The following DSCAML1 variants were observed in gnomAD, a reference collection of about 807,000 sequenced individuals.
DSCAML1 encodes the protein DS cell adhesion molecule like 1, also known as cell adhesion molecule DSCAML1.
Under a neutral mutation model 200.5 loss-of-function variants are expected in DSCAML1, and 38 were observed. That is an observed-to-expected ratio of 0.19 (90% CI 0.15 to 0.25). DSCAML1 has a LOEUF of 0.25. Ranked by LOEUF, DSCAML1 falls within the 10% of genes least tolerant of loss-of-function variation. The probability of loss-of-function intolerance (pLI) is 1.00; values close to 1 mark genes in which losing one functional copy is unlikely to be tolerated. For synonymous variants in DSCAML1, 1,215 were observed against 1,165.0 expected, an observed-to-expected ratio of 1.04 and a Z score of -0.87; for missense variants, 2,223 against 2,858.8, an observed-to-expected ratio of 0.78 and a Z score of 5.07.
Position 117,507,060 on chromosome 11 carries a change from T to C in DSCAML1, c.1784-1328A>G, listed in dbSNP as rs556276734. ...ATGGCCTGTCTGGAGCCTGAGTCGA[T>C]GTGAGATGGATCCTCCTTTCTCGGC... On this transcript the variant is annotated intron_variant, in intron 8 of 32. Transcript: ENST00000651296. 2.5e-3 allele frequency among the ~76,000 whole-genome samples: 380 copies of C among 151,622 alleles called. 4 individuals carry two copies. The highest frequency in any genetic ancestry group is 8.8e-3 in the African/African-American group (366 of 41,508).
chr11:117,518,847 G>A lies in DSCAML1; in HGVS notation c.1214-85C>T. ...GCCACCCCACCTCAGCAGGGGAGGAGGCAAAAAGCAGCCATAAGAGCAAAC... is the reference window on the plus strand; with the variant it reads ...GCCACCCCACCTCAGCAGGGGAGGAAGCAAAAAGCAGCCATAAGAGCAAAC... On this transcript the variant is annotated intron_variant, in intron 6 of 32. Coordinates refer to ENST00000651296, the MANE Select transcript of DSCAML1 (RefSeq NM_020693.4). The surrounding 1 kb of genome is among the most constrained non-coding windows in gnomAD (Gnocchi z 6.3). The A allele has an allele frequency of 6.9e-7, 1 of 1,441,904 alleles. No individual in the cohort carries two copies. Among genetic ancestry groups the A allele is most frequent in the Non-Finnish European group, 9.2e-7 (1 of 1,089,406 alleles). The allele number at this position is 1,441,904 out of a possible 1,614,324, so 89.3% of individuals were successfully genotyped here. A position where few individuals can be genotyped will look rare whatever the true frequency, so the allele number is the denominator to read the frequency against.
intron 1 of DSCAML1, among the ~76,000 whole-genome samples, chr11:117,784,273 A>G (rs1452691652): frequency 6.6e-6 from 1 of 152,140 alleles, no homozygotes; most frequent in East Asian, 1.9e-4. Context: ...AAACAATAGC[A>G]TTTTGCACTT....
chr11:117,797,622 G>A (rs1349864819), upstream of DSCAML1, among the ~76,000 whole-genome samples: 6 of 132,438 alleles, frequency 4.5e-5, no homozygotes, highest in Middle Eastern at 3.8e-3. Context: ...GAGCATGGAC[G>A]CTCTGGGTAG....
Position 117,504,104 on chromosome 11 carries a change from G to C in DSCAML1, c.2183-83C>G. The C allele has an allele frequency of 1.3e-6, 2 of 1,491,258 alleles. No individual in the cohort carries two copies. Among genetic ancestry groups the C allele is most frequent in the South Asian group, 1.3e-5 (1 of 79,528 alleles). The allele number at this position is 1,491,258 out of a possible 1,614,324, so 92.4% of individuals were successfully genotyped here. A position where few individuals can be genotyped will look rare whatever the true frequency, so the allele number is the denominator to read the frequency against. On this transcript the variant is annotated intron_variant, in intron 10 of 32. Transcript: ENST00000651296. This position sits in a 1 kb window ranked among gnomAD's most constrained non-coding sequence, Gnocchi z 5.0. ...GCCCCAGGAGTGGCCCTGACACCTC[G>C]CTCTTGCAGATCTAGGGCCATTTTG...
rs773275996 is a variant in DSCAML1 at position 117,428,533 on chromosome 11, G to A, written c.5957C>T (p.Pro1986Leu). The A allele has an allele frequency of 6.0e-6, 9 of 1,492,970 alleles. No homozygotes were observed. In the East Asian group the frequency reaches 1.2e-4, roughly 20 times the overall value. 92.5% of individuals were successfully genotyped at this position (1,492,970 alleles called of 1,614,324 possible). A position where few individuals can be genotyped will look rare whatever the true frequency, so the allele number is the denominator to read the frequency against. ...MPAPPAGTAP[P>L]APGPTPAEPP... is the part of the protein sequence containing the mutation. Reference sequence around the variant, plus strand: ...CTCAGCAGGGGTGGGGCCGGGGGCTGGGGGGGCTGTGCCGGCTGGGGGGGC... The same window carrying A: ...CTCAGCAGGGGTGGGGCCGGGGGCTAGGGGGGCTGTGCCGGCTGGGGGGGC... Residue 1986 changes from proline (P) to leucine (L), a missense_variant, in exon 33 of 33, where the codon CCA (proline) becomes CTA (leucine). Transcript: ENST00000651296.
intron 3 of DSCAML1, among the ~76,000 whole-genome samples, chr11:117,722,245 T>G (rs370528620): frequency 1.3e-5 from 2 of 151,974 alleles, no homozygotes; most frequent in African/African-American, 4.8e-5. Context: ...AGCTGAAATG[T>G]ATTTCTCTAA....
At chr11:117,550,575 G>C (rs1351757633) in intron 3 of DSCAML1, among the ~76,000 whole-genome samples, 1 of 152,172 alleles carries the variant, frequency 6.6e-6, no homozygotes, top group South Asian at 2.1e-4. Context: ...ATACAGTAAA[G>C]GTATAATAGA....
At chr11:117,808,948 C>T (rs972729849) in intron 1 of DSCAML1, among the ~76,000 whole-genome samples, 7 of 152,146 alleles carry the variant, frequency 4.6e-5, no homozygotes, top group South Asian at 2.1e-4. Context: ...ACTGAGGCTC[C>T]GAGACACTAA....
intron 3 of DSCAML1, among the ~76,000 whole-genome samples, chr11:117,664,041 C>T (rs376617482): frequency 6.6e-5 from 10 of 152,326 alleles, no homozygotes; most frequent in African/African-American, 2.2e-4. Context: ...CAGAAAATGC[C>T]GTGGCTCCCA....
rs926229398 is a variant in DSCAML1 at position 117,671,301 on chromosome 11, C to T, written c.511+105490G>A. 8.5e-5 allele frequency among the ~76,000 whole-genome samples: 13 copies of T among 152,328 alleles called. No homozygotes were observed. The South Asian group carries it at 2.7e-3, about 32-fold the overall frequency. ...TAGAGCAGCTTCCAGAGGCCACACTCAGGTGAAATAACTTATTCTGGTACC... is the reference window on the plus strand; with the variant it reads ...TAGAGCAGCTTCCAGAGGCCACACTTAGGTGAAATAACTTATTCTGGTACC... On this transcript the variant is annotated intron_variant, in intron 3 of 32. Transcript: ENST00000651296.
rs748512341 is a variant in DSCAML1 at position 117,480,512 on chromosome 11, G to A, written c.2716C>T (p.Arg906Cys). 8.1e-6 allele frequency: 13 copies of A among 1,603,426 alleles called. No homozygotes were observed. Among genetic ancestry groups the A allele is most frequent in the Non-Finnish European group, 1.0e-5 (12 of 1,174,842 alleles). The change falls in exon 14 of 33, where the codon CGC (arginine) becomes TGC (cysteine). Residue 906 changes from arginine to cysteine, a missense_variant. Arg to Cys is a radical substitution (Grantham distance 180). Transcript: ENST00000651296. The surrounding 1 kb of genome is among the most constrained non-coding windows in gnomAD (Gnocchi z 4.1). ...TTCCCGTCGAATCGCTGGGTCCAGC[G>A]CAGGTTCATGCTCCGGGCCTTCACC... ...REVKARSMNL[R>C]WTQRFDGNSI...
At chr11:117,551,122 G>A (rs2050460274) in intron 3 of DSCAML1, among the ~76,000 whole-genome samples, 1 of 152,182 alleles carries the variant, frequency 6.6e-6, no homozygotes, top group Non-Finnish European at 1.5e-5. Flanking sequence ...TTGGGTTGAA[G>A]GGCCATAAAG....
intron 3 of DSCAML1, among the ~76,000 whole-genome samples, chr11:117,704,142 A>AGGGAAGGAGGAAGGGC: frequency 1.8e-5 from 2 of 111,478 alleles, no homozygotes. Context: ...GGAGGGAGGG[A>AGGGAAGGAGGAAGGGC]GGGAAGGAGG....
chr11:117,740,967 A>G (rs1421430981), intron 3 of DSCAML1, among the ~76,000 whole-genome samples: 3 of 152,268 alleles, frequency 2.0e-5, no homozygotes, highest in African/African-American at 7.2e-5. Flanking sequence ...TGCAGATGTC[A>G]GGCAAGCTGG....
rs2048903748 is a variant in DSCAML1, at chr11:117,480,953, C to T, written c.2656+221G>A. Among the ~76,000 whole-genome samples, 1 of 152,214 alleles carries T rather than the reference C, an allele frequency of 6.6e-6. No homozygotes were observed. Among genetic ancestry groups the T allele is most frequent in the East Asian group, 1.9e-4 (1 of 5,188 alleles). On this transcript the variant is annotated intron_variant, in intron 13 of 32. Transcript: ENST00000651296. The surrounding 1 kb of genome is among the most constrained non-coding windows in gnomAD (Gnocchi z 4.1). ...GAAGGGTCAGTGGAATCTATAGCGG[C>T]TGTAGCCATTGCAAACTTTTGCTGT...
chr11:117,494,949 T>C (rs751463667), intron 11 of DSCAML1, among the ~76,000 whole-genome samples: 3 of 152,192 alleles, frequency 2.0e-5, no homozygotes, highest in Non-Finnish European at 4.4e-5. Flanking sequence ...AATACCTTGA[T>C]GTCAGACTCC....
intron 1 of DSCAML1, among the ~76,000 whole-genome samples, chr11:117,812,462 A>G (rs2055769142): frequency 6.6e-6 from 1 of 151,968 alleles, no homozygotes; most frequent in East Asian, 1.9e-4. Context: ...CCAAACCCAT[A>G]TACTCTCCTA....
intron 3 of DSCAML1, among the ~76,000 whole-genome samples, chr11:117,590,237 G>A (rs1217358979): frequency 6.6e-6 from 1 of 152,008 alleles, no homozygotes; most frequent in East Asian, 1.9e-4. Flanking sequence ...TGCCCAGGCT[G>A]GAATGCAGTG....
chr11:117,568,438 C>G (rs2050792416), intron 3 of DSCAML1, among the ~76,000 whole-genome samples: 1 of 152,312 alleles, frequency 6.6e-6, no homozygotes, highest in African/African-American at 2.4e-5. Flanking sequence ...CAAATTGTCC[C>G]TGTTTGCAGA....
Sources: allele counts gnomAD v4.1 joint callset (sites outside exome capture counted in the v4.1 genomes callset), GRCh38; gene constraint gnomAD v4.1.1; non-coding constraint Gnocchi (gnomAD v3.1); transcripts MANE v1.5; gene names NCBI Gene and HGNC (gene_info 2026-07-23, HGNC 2026-07-21).